The following CD6 variants were observed in gnomAD, a reference collection of about 807,000 sequenced individuals.
CD6 encodes the protein T-cell differentiation antigen CD6.
CD6 carries 53 observed loss-of-function variants against 75.3 expected under a neutral mutation model. That is an observed-to-expected ratio of 0.70 (90% CI 0.56 to 0.88). CD6 has a LOEUF of 0.88. CD6 is among the 40% of genes least tolerant of loss of function. The probability of loss-of-function intolerance (pLI) is 0.00; values close to 1 mark genes in which losing one functional copy is unlikely to be tolerated. For missense variants in CD6, 770 were observed against 897.1 expected (o/e 0.86, Z 1.81); for synonymous variants, 359 against 381.5 (o/e 0.94, Z 0.69).
chr11:60,971,761 G>A lies in CD6; in HGVS notation c.-105G>A. On this transcript the variant is annotated 5_prime_UTR_variant, in exon 1 of 13. Coordinates refer to ENST00000313421, the MANE Select transcript of CD6 (RefSeq NM_006725.5). ...ACAGGAACAAGAACAGCAAAGGGTAGAGCAGACCTGCGCCAGGGGCGCACA... is the reference window on the plus strand; with the variant it reads ...ACAGGAACAAGAACAGCAAAGGGTAAAGCAGACCTGCGCCAGGGGCGCACA... 4 of 1,107,350 alleles carry A rather than the reference G, an allele frequency of 3.6e-6. No homozygotes were observed. Among genetic ancestry groups the A allele is most frequent in the Non-Finnish European group, 4.0e-6 (3 of 744,152 alleles). The allele number at this position is 1,107,350 out of a possible 1,614,324, so 68.6% of individuals were successfully genotyped here.
intron 1 of CD6, among the ~76,000 whole-genome samples, chr11:60,981,027 C>T (rs1383746845): frequency 6.6e-6 from 1 of 152,110 alleles, no homozygotes; most frequent in Non-Finnish European, 1.5e-5. Context: ...TCTTTTCTGC[C>T]TCCTGACCCA....
chr11:61,003,179 G>A (rs1026455946), intron 1 of CD6, among the ~76,000 whole-genome samples: 1 of 152,096 alleles, frequency 6.6e-6, no homozygotes, highest in Non-Finnish European at 1.5e-5. Flanking sequence ...TGGCCAGGCT[G>A]GTCTCGGACT....
Position 61,011,112 on chromosome 11 carries a change from C to A in CD6, c.1127C>A (p.Ala376Glu), listed in dbSNP as rs755421143. 6.2e-7 allele frequency: 1 copy of A among 1,613,828 alleles called. No individual in the cohort carries two copies. The highest frequency in any genetic ancestry group is 1.7e-5 in the Admixed American group (1 of 59,980). ...AATCTGTCCACTCCCGAAGTCCCTG[C>A]AAGTGTTCAGACAGTCACTATAGGT... Reference protein sequence around the residue: ...LHNLSTPEVPASVQTVTIESS... With the variant: ...LHNLSTPEVPESVQTVTIESS... The change falls in exon 6 of 13, where the codon GCA (alanine) becomes GAA (glutamate). Residue 376 changes from alanine (A) to glutamate (E), a missense_variant. Physicochemically the swap from Ala to Glu is moderately radical, Grantham distance 107 (BLOSUM62 -1). Transcript: ENST00000313421.
intron 11 of CD6, 111 bp from the exon 12 acceptor site, chr11:61,018,178 A>T: frequency 7.7e-7 from 1 of 1,297,226 alleles, no homozygotes; most frequent in South Asian, 1.4e-5. Flanking sequence ...TCACTTTGTC[A>T]TTTGCCAAGC....
intron 1 of CD6, among the ~76,000 whole-genome samples, chr11:60,981,677 C>T (rs1488553479): frequency 2.0e-5 from 3 of 152,174 alleles, no homozygotes; most frequent in Non-Finnish European, 2.9e-5. Context: ...CGACTGGGAC[C>T]GGGCAGGCGC....
At chr11:60,992,005 G>T (rs762999079) in intron 1 of CD6, among the ~76,000 whole-genome samples, 1 of 151,756 alleles carries the variant, frequency 6.6e-6, no homozygotes, top group South Asian at 2.1e-4. Flanking sequence ...TCAGCCTCTC[G>T]ACTAGCTGGG....
chr11:60,980,364 T>C (rs1317879153), intron 1 of CD6, among the ~76,000 whole-genome samples: 1 of 152,058 alleles, frequency 6.6e-6, no homozygotes, highest in Non-Finnish European at 1.5e-5. Context: ...GTTAGCCGGA[T>C]GTGAGATTCA....
chr11:61,015,531 A>G (rs1417453227), intron 8 of CD6, 182 bp from the exon 9 acceptor site: 1 of 672,318 alleles, frequency 1.5e-6, no homozygotes, highest in Non-Finnish European at 2.5e-6. Context: ...TGATGGCACC[A>G]CTGTACTCCA....
chr11:60,971,925 T>G lies in CD6; in HGVS notation c.49+11T>G. On this transcript the variant is annotated intron_variant, in intron 1 of 12. Coordinates refer to ENST00000313421, the MANE Select transcript of CD6 (RefSeq NM_006725.5). ...CGGCAGCCCTCTCAGGTAGGCCCCC[T>G]TCCCTCATCTCCTGCCACTGGTGCT... 6.2e-7 allele frequency: 1 copy of G among 1,613,394 alleles called. No individual in the cohort carries two copies.
At chr11:61,015,623 C>G (rs1859362050) in intron 8 of CD6, 90 bp from the exon 9 acceptor site, 3 of 1,487,156 alleles carry the variant, frequency 2.0e-6, no homozygotes, top group African/African-American at 1.4e-5. Flanking sequence ...GCTACTCTGC[C>G]TCTCACCTCT....
At chr11:60,989,429 C>T (rs953100877) in intron 1 of CD6, 37 of 152,520 alleles carry the variant, frequency 2.4e-4, no homozygotes, top group African/African-American at 8.4e-4. Flanking sequence ...CAATACCTTC[C>T]TGGACTCACT....
chr11:60,976,398 C>T (rs1857365852), intron 1 of CD6, among the ~76,000 whole-genome samples: 1 of 152,196 alleles, frequency 6.6e-6, no homozygotes, highest in South Asian at 2.1e-4. Flanking sequence ...ATTACCTGCT[C>T]ACATTCATGA....
chr11:60,985,606 C>A (rs947544350), intron 1 of CD6, among the ~76,000 whole-genome samples: 5 of 151,914 alleles, frequency 3.3e-5, no homozygotes, highest in African/African-American at 1.2e-4. Context: ...AACACTGAAA[C>A]CAAAAGTGTC....
Position 61,013,625 on chromosome 11 carries a change from C to T in CD6, c.1291+62C>T, listed in dbSNP as rs1859257278. The T allele has an allele frequency of 3.2e-6, 5 of 1,576,816 alleles. No homozygotes were observed. The South Asian group carries it at 5.6e-5, about 18-fold the overall frequency. On this transcript the variant is annotated intron_variant, in intron 7 of 12. Coordinates refer to ENST00000313421, the MANE Select transcript of CD6 (RefSeq NM_006725.5). Reference sequence around the variant, plus strand: ...GGGGATGTGAGCCTTGGCAGAACCCCAGCAGCAGTGGCGTGGTCCAGCAAT... The same window carrying T: ...GGGGATGTGAGCCTTGGCAGAACCCTAGCAGCAGTGGCGTGGTCCAGCAAT...
intron 6 of CD6, among the ~76,000 whole-genome samples, chr11:61,012,482 A>AGGGGAGAGGAGAAAATGAAGAC (rs1372735395): frequency 1.3e-5 from 2 of 152,212 alleles, no homozygotes; most frequent in African/African-American, 2.4e-5. Context: ...GCAGACAGAG[A>AGGGGAGAGGAGAAAATGAAGAC]GGGGAGAGGA....
At chr11:61,006,718 T>C in intron 2 of CD6, 76 bp downstream of exon 2, 2 of 1,264,382 alleles carry the variant, frequency 1.6e-6, no homozygotes, top group Non-Finnish European at 2.3e-6. Flanking sequence ...AGAAGGGAAA[T>C]GGACATTTAG....
At chr11:60,997,985 C>T (rs1858387823) in intron 1 of CD6, among the ~76,000 whole-genome samples, 2 of 152,156 alleles carry the variant, frequency 1.3e-5, no homozygotes, top group South Asian at 4.1e-4. Context: ...TCCTCCCCTG[C>T]GTTTATACAG....
chr11:61,007,248 C>T lies in CD6; in HGVS notation c.119-312C>T. On this transcript the variant is annotated intron_variant, in intron 2 of 12. Coordinates refer to ENST00000313421, the MANE Select transcript of CD6 (RefSeq NM_006725.5). The surrounding 1 kb of genome is among the most constrained non-coding windows in gnomAD (Gnocchi z 4.2). ...CACAACTCTGCCTTTCTTTCACAAA[C>T]GGGTGCCCCTGGAGACAGGAGCAAG... Among the ~76,000 whole-genome samples the T allele has an allele frequency of 6.6e-6, 1 of 152,136 alleles. No individual in the cohort carries two copies. The highest frequency in any genetic ancestry group is 1.9e-4 in the East Asian group (1 of 5,172).
chr11:61,019,088 G>A (rs753408860), intron 12 of CD6, 166 bp from the exon 13 acceptor site: 9 of 596,082 alleles, frequency 1.5e-5, no homozygotes, highest in Non-Finnish European at 2.4e-5. Flanking sequence ...TATTCCCTCA[G>A]TGCTGATGTT....
Sources: allele counts gnomAD v4.1 joint callset (sites outside exome capture counted in the v4.1 genomes callset), GRCh38; gene constraint gnomAD v4.1.1; non-coding constraint Gnocchi (gnomAD v3.1); transcripts MANE v1.5; gene names NCBI Gene and HGNC (gene_info 2026-07-23, HGNC 2026-07-21).